Variants in AKAP19 observed in about 807,000 individuals in gnomAD.
AKAP19 encodes A-kinase anchoring protein 19, also known as small A-kinase anchoring protein.
At chr2:190,155,346 A>C in the AKAP19 span, among the ~76,000 whole-genome samples, 1 of 152,210 alleles carries the variant, frequency 6.6e-6, no homozygotes, top group Non-Finnish European at 1.5e-5. Flanking sequence ...GAATCTGGCC[A>C]AGATATCATT....
the AKAP19 span, among the ~76,000 whole-genome samples, chr2:189,963,199 C>CTT: frequency 2.5e-3 from 340 of 136,786 alleles, 5 homozygotes; most frequent in East Asian, 9.6e-3. Flanking sequence ...CTTCACTTCT[C>CTT]TTTTTTTTTT....
the AKAP19 span, among the ~76,000 whole-genome samples, chr2:190,014,175 G>T: frequency 6.6e-6 from 1 of 151,752 alleles, no homozygotes; most frequent in African/African-American, 2.4e-5. Context: ...TTACTTTTTT[G>T]ATCCATTGGT....
chr2:190,099,126 T>C, the AKAP19 span, among the ~76,000 whole-genome samples: 43 of 152,320 alleles, frequency 2.8e-4, no homozygotes, highest in South Asian at 5.4e-3. Flanking sequence ...TGGAGTAGCA[T>C]GTTTAATTTC....
the AKAP19 span, among the ~76,000 whole-genome samples, chr2:190,101,509 C>T: frequency 1.3e-5 from 2 of 152,176 alleles, no homozygotes; most frequent in Non-Finnish European, 2.9e-5. Flanking sequence ...GAGCCTCCCA[C>T]CCTTCCTGGA....
chr2:190,073,158 TAA>T, the AKAP19 span, among the ~76,000 whole-genome samples: 4 of 151,960 alleles, frequency 2.6e-5, no homozygotes, highest in African/African-American at 9.7e-5. Context: ...GACAGAGAAT[TAA>T]AAGAGTATAC....
chr2:190,198,832 G>A, the AKAP19 span, among the ~76,000 whole-genome samples: 3 of 152,048 alleles, frequency 2.0e-5, no homozygotes, highest in Non-Finnish European at 4.4e-5. Context: ...TCCCTTAAGA[G>A]GAGTTCATTC....
At chr2:189,881,877 A>G in the AKAP19 span, among the ~76,000 whole-genome samples, 1 of 152,236 alleles carries the variant, frequency 6.6e-6, no homozygotes, top group Non-Finnish European at 1.5e-5. Context: ...TCCCATTTTT[A>G]TTAAAGACAA....
At chr2:190,089,846 G>A in the AKAP19 span, among the ~76,000 whole-genome samples, 1 of 152,082 alleles carries the variant, frequency 6.6e-6, no homozygotes, top group Non-Finnish European at 1.5e-5. Context: ...TTCAATTTAG[G>A]ACTACTCCAG....
chr2:190,080,018 T>C, the AKAP19 span: 1 of 152,136 alleles, frequency 6.6e-6, no homozygotes, highest in African/African-American at 2.4e-5. Flanking sequence ...CCTGTTTGAT[T>C]CCAAGGTAGG....
the AKAP19 span, among the ~76,000 whole-genome samples, chr2:189,996,460 G>T: frequency 6.6e-6 from 1 of 151,810 alleles, no homozygotes; most frequent in Non-Finnish European, 1.5e-5. Flanking sequence ...TTTCTTCATG[G>T]TATCTATTTC....
the AKAP19 span, among the ~76,000 whole-genome samples, chr2:190,045,792 G>A: frequency 1.3e-5 from 2 of 152,160 alleles, no homozygotes; most frequent in Non-Finnish European, 2.9e-5. Context: ...GTATGTACGG[G>A]GGTCTAAACT....
chr2:190,021,486 G>A, the AKAP19 span, among the ~76,000 whole-genome samples: 1 of 152,208 alleles, frequency 6.6e-6, no homozygotes. Flanking sequence ...TGGCAGTCAT[G>A]GAGGGTCACT....
At chr2:190,080,403 A>G in the AKAP19 span, among the ~76,000 whole-genome samples, 1 of 152,244 alleles carries the variant, frequency 6.6e-6, no homozygotes, top group Admixed American at 6.5e-5. Flanking sequence ...TTGAGCAAAG[A>G]GCTGTCAGTG....
the AKAP19 span, among the ~76,000 whole-genome samples, chr2:190,030,378 C>T: frequency 1.3e-5 from 2 of 152,176 alleles, no homozygotes; most frequent in Non-Finnish European, 2.9e-5. Flanking sequence ...TTTCCAGGCT[C>T]TTCTGTTTCT....
the AKAP19 span, among the ~76,000 whole-genome samples, chr2:190,135,665 C>T: frequency 6.6e-6 from 1 of 152,176 alleles, no homozygotes; most frequent in African/African-American, 2.4e-5. Context: ...CATATAGCAT[C>T]CCTGTGCTCC....
chr2:190,099,215 T>G, the AKAP19 span, among the ~76,000 whole-genome samples: 2 of 152,256 alleles, frequency 1.3e-5, no homozygotes, highest in Non-Finnish European at 2.9e-5. Context: ...CTGCCTTGGC[T>G]TTTGACATAC....
At chr2:190,059,495 G>A in the AKAP19 span, among the ~76,000 whole-genome samples, 2 of 151,780 alleles carry the variant, frequency 1.3e-5, no homozygotes, top group African/African-American at 4.8e-5. Context: ...ACACATCAGT[G>A]CATCAACATC....
At chr2:190,008,919 A>G in the AKAP19 span, among the ~76,000 whole-genome samples, 1 of 152,102 alleles carries the variant, frequency 6.6e-6, no homozygotes, top group African/African-American at 2.4e-5. Flanking sequence ...AATTTTAAAT[A>G]GGGTGGTAGG....
chr2:190,180,722 C>A, the AKAP19 span: 9 of 985,320 alleles, frequency 9.1e-6, no homozygotes, highest in Non-Finnish European at 1.1e-5. This position sits in a 1 kb window ranked among gnomAD's most constrained non-coding sequence, Gnocchi z 6.8. Flanking sequence ...GAGGGCGCGC[C>A]CTGGAGCCGA....
Sources: allele counts gnomAD v4.1 joint callset (sites outside exome capture counted in the v4.1 genomes callset), GRCh38; gene constraint gnomAD v4.1.1; non-coding constraint Gnocchi (gnomAD v3.1); transcripts MANE v1.5; gene names NCBI Gene and HGNC (gene_info 2026-07-23, HGNC 2026-07-21).